Variants in ITGA1 observed in about 807,000 individuals in gnomAD.
ITGA1 encodes the protein integrin alpha-1.
Under a neutral mutation model 145.9 loss-of-function variants are expected in ITGA1, and 85 were observed. The observed-to-expected ratio is 0.58, with a 90% confidence interval of 0.49 to 0.70. The LOEUF is 0.70. ITGA1 is among the 30% of genes least tolerant of loss of function. The pLI, the probability that ITGA1 is intolerant of heterozygous loss-of-function variation, is 0.00. For synonymous variants in ITGA1, 520 were observed against 495.3 expected, an observed-to-expected ratio of 1.05 and a Z score of -0.66; for missense variants, 1,351 against 1,418.7, an observed-to-expected ratio of 0.95 and a Z score of 0.77.
rs1749519723 is a variant in ITGA1, at chr5:52,856,738, T to C, written c.183-4709T>C. On this transcript the variant is annotated intron_variant, in intron 2 of 28. Coordinates refer to ENST00000282588, the MANE Select transcript of ITGA1 (RefSeq NM_181501.2). ...AAGCCACTAGGTCAAAATTTAATCC[T>C]CACTTCCTGTTTCAGTTAACTATTG... Among the ~76,000 whole-genome samples, 3 of 152,130 alleles carry C rather than the reference T, an allele frequency of 2.0e-5. No homozygotes were observed. In the South Asian group the frequency reaches 6.2e-4, roughly 32 times the overall value.
At position 52,887,906 on chromosome 5, in the gene ITGA1, C is replaced by T. The variant is rs1037578337; in HGVS notation, c.865C>T (p.Arg289Ter). The change falls in exon 8 of 29, where the codon CGA becomes TGA. Residue 289 changes from arginine to a stop codon, truncating the protein, a stop_gained. Coordinates refer to ENST00000282588, the MANE Select transcript of ITGA1 (RefSeq NM_181501.2). LOFTEE classifies it high-confidence loss of function. Reference protein sequence around the residue: ...VTDGESHDNHRLKKVIQDCED... With the variant: ...VTDGESHDNH ...AGATGGAGAGTCTCATGACAATCATCGACTGAAGAAGGTCATCCAAGACTG... is the reference window on the plus strand; with the variant it reads ...AGATGGAGAGTCTCATGACAATCATTGACTGAAGAAGGTCATCCAAGACTG... 8.7e-6 allele frequency: 14 copies of T among 1,613,976 alleles called. No individual in the cohort carries two copies. The highest frequency in any genetic ancestry group is 1.1e-5 in the South Asian group (1 of 91,064).
At chr5:52,849,614 T>C in intron 2 of ITGA1, 129 bp downstream of exon 2, 1 of 869,058 alleles carries the variant, frequency 1.2e-6, no homozygotes, top group Non-Finnish European at 1.6e-6. Context: ...AAATGCAGTC[T>C]AGTCATTTGG....
intron 14 of ITGA1, among the ~76,000 whole-genome samples, chr5:52,911,586 TGTATC>T (rs1750536564): frequency 2.8e-5 from 2 of 70,380 alleles, no homozygotes; most frequent in African/African-American, 9.8e-5. Context: ...ATATATATAG[TGTATC>T]TACTATATAT....
intron 26 of ITGA1, among the ~76,000 whole-genome samples, chr5:52,942,173 C>T (rs1361957107): frequency 1.3e-5 from 2 of 152,096 alleles, no homozygotes; most frequent in African/African-American, 2.4e-5. Context: ...TTTTGATTAC[C>T]GTAGCCTTAT....
chr5:52,851,905 T>C (rs1396679129), intron 2 of ITGA1, among the ~76,000 whole-genome samples: 1 of 152,156 alleles, frequency 6.6e-6, no homozygotes, highest in African/African-American at 2.4e-5. Context: ...TGGGAAATAT[T>C]TATACATAAA....
At chr5:52,911,363 G>C (rs1750524125) in intron 14 of ITGA1, among the ~76,000 whole-genome samples, 1 of 133,070 alleles carries the variant, frequency 7.5e-6, no homozygotes, top group South Asian at 2.3e-4. Flanking sequence ...TATATATAGT[G>C]TATATAGTGA....
intron 6 of ITGA1, among the ~76,000 whole-genome samples, chr5:52,869,458 GC>G (rs1749743393): frequency 6.6e-6 from 1 of 152,162 alleles, no homozygotes; most frequent in Admixed American, 6.5e-5. Context: ...ACTGTGCCTG[GC>G]CCCATATGAT....
chr5:52,910,553 T>TGGGA (rs1160871562), intron 14 of ITGA1, 134 bp downstream of exon 14: 37 of 918,278 alleles, frequency 4.0e-5, no homozygotes, highest in Admixed American at 2.7e-4. Context: ...TAATTCTCTT[T>TGGGA]AAGTGTTTTT....
chr5:52,874,724 A>G, intron 6 of ITGA1, among the ~76,000 whole-genome samples: 1 of 152,192 alleles, frequency 6.6e-6, no homozygotes, highest in Non-Finnish European at 1.5e-5. Context: ...GTCAAGAGCA[A>G]TAAAAAAAAT....
intron 1 of ITGA1, among the ~76,000 whole-genome samples, chr5:52,790,093 G>C (rs1284131067): frequency 6.6e-6 from 1 of 152,110 alleles, no homozygotes; most frequent in East Asian, 1.9e-4. Flanking sequence ...TTCAGATTTG[G>C]AAACTTCTCA....
chr5:52,906,304 A>T (rs528525544), intron 12 of ITGA1, among the ~76,000 whole-genome samples: 1 of 152,330 alleles, frequency 6.6e-6, no homozygotes, highest in East Asian at 1.9e-4. Context: ...TAGAATGTGG[A>T]TAGGTAGAAA....
chr5:52,948,394 T>G (rs535403192), intron 28 of ITGA1, among the ~76,000 whole-genome samples: 22 of 152,352 alleles, frequency 1.4e-4, no homozygotes, highest in Middle Eastern at 6.8e-3. Flanking sequence ...CATAATTATT[T>G]AATCAAATAG....
At chr5:52,827,542 G>A (rs1213835492) in intron 1 of ITGA1, among the ~76,000 whole-genome samples, 3 of 152,172 alleles carry the variant, frequency 2.0e-5, no homozygotes, top group Non-Finnish European at 2.9e-5. Flanking sequence ...ATGCTCAACA[G>A]CATTAATCAT....
chr5:52,914,107 A>G (rs889870716), intron 14 of ITGA1, among the ~76,000 whole-genome samples: 2 of 152,240 alleles, frequency 1.3e-5, no homozygotes, highest in African/African-American at 4.8e-5. Flanking sequence ...TTTGTCATAA[A>G]CAACTTGTTT....
chr5:52,896,753 C>T (rs558982252), intron 9 of ITGA1, among the ~76,000 whole-genome samples: 7 of 152,156 alleles, frequency 4.6e-5, no homozygotes, highest in Non-Finnish European at 1.0e-4. Context: ...AGCAGACTGC[C>T]ATGGAATGCT....
intron 6 of ITGA1, among the ~76,000 whole-genome samples, chr5:52,872,507 C>G (rs115229142): frequency 6.6e-6 from 1 of 151,964 alleles, no homozygotes; most frequent in African/African-American, 2.4e-5. Flanking sequence ...AGTGGACTAA[C>G]TGGCATCTGA....
chr5:52,890,050 G>T (rs1750119637), intron 8 of ITGA1: 1 of 152,038 alleles, frequency 6.6e-6, no homozygotes, highest in African/African-American at 2.4e-5. Context: ...TCTCTGTTTA[G>T]AACTATATCT....
At chr5:52,876,422 C>G (rs1423071299) in intron 6 of ITGA1, among the ~76,000 whole-genome samples, 2 of 152,156 alleles carry the variant, frequency 1.3e-5, no homozygotes, top group Admixed American at 6.5e-5. Flanking sequence ...AGACTCACAG[C>G]ACACCTTACT....
intron 19 of ITGA1, 79 bp downstream of exon 19, chr5:52,925,566 C>A: frequency 9.6e-7 from 1 of 1,036,574 alleles, no homozygotes; most frequent in Non-Finnish European, 1.5e-6. Flanking sequence ...GAGATAATTG[C>A]TTTTATTAGA....
Sources: gnomAD v4.1 joint callset for allele counts (sites outside exome capture counted in the v4.1 genomes callset) on GRCh38, gnomAD v4.1.1 for gene constraint, MANE v1.5 for transcripts, NCBI Gene and HGNC (gene_info 2026-07-23, HGNC 2026-07-21) for gene names.